RPL18A: variants seen among roughly 807,000 people sequenced by gnomAD.
The protein encoded by RPL18A is large ribosomal subunit protein eL20.
For synonymous variants in RPL18A, 122 were observed against 96.9 expected, an observed-to-expected ratio of 1.26 and a Z score of -1.52; for missense variants, 163 against 254.1, an observed-to-expected ratio of 0.64 and a Z score of 2.44.
rs771725786 is a variant in RPL18A at position 17,862,210 on chromosome 19, T to C, written c.315T>C (p.Ala105=). 10 of 1,613,278 alleles carry C rather than the reference T, an allele frequency of 6.2e-6. No individual in the cohort carries two copies. Among genetic ancestry groups the C allele is most frequent in the South Asian group, 4.4e-5 (4 of 91,088 alleles). ...REYRDLTTAG[A]VTQCYRDMGA... The stretch of plus-strand genomic sequence containing the variant: ...ACCGGGACCTGACCACCGCAGGCGC[T>C]GTCACCCAGTGCTGTAAGCTGCCTG... The change falls in exon 3 of 5, where the codon GCT becomes GCC. Residue 105 remains alanine, a synonymous_variant. Coordinates refer to ENST00000222247, the MANE Select transcript of RPL18A (RefSeq NM_000980.4).
intron 1 of RPL18A, chr19:17,860,370 A>T: frequency 4.4e-6 from 1 of 229,556 alleles, no homozygotes; most frequent in Non-Finnish European, 8.6e-6. Flanking sequence ...GCAGATGAAA[A>T]TTGCTAACAG....
chr19:17,861,609 GC>G, intron 2 of RPL18A, 137 bp downstream of exon 2: 1 of 690,206 alleles, frequency 1.4e-6, no homozygotes, highest in East Asian at 2.8e-5. Context: ...AGACATCAGA[GC>G]CCCGGGTTGT....
rs1450160712 is a variant in RPL18A, at chr19:17,861,462, A to G, written c.188A>G (p.Tyr63Cys). The part of the protein sequence containing the change: ...KMKKSSGEIV[Y>C]CGQVFEKSPL... The stretch of plus-strand genomic sequence containing the variant: ...AAGAAGTCTTCAGGGGAGATTGTCT[A>G]CTGTGGGCAGGTATGGAGAGGCCGG... The change falls in exon 2 of 5, where the codon TAC (tyrosine) becomes TGC (cysteine). Residue 63 changes from tyrosine to cysteine, a missense_variant. Tyr to Cys is a radical substitution (Grantham distance 194, BLOSUM62 -2). Coordinates refer to ENST00000222247, the MANE Select transcript of RPL18A (RefSeq NM_000980.4). 5 of 1,592,324 alleles carry G rather than the reference A, an allele frequency of 3.1e-6. No homozygotes were observed. Among genetic ancestry groups the G allele is most frequent in the South Asian group, 2.3e-5 (2 of 88,528 alleles).
At position 17,862,107 on chromosome 19, in the gene RPL18A, C is replaced by A. The variant is rs199974927; in HGVS notation, c.212C>A (p.Ser71Tyr). 1.7e-5 allele frequency: 28 copies of A among 1,611,858 alleles called. No homozygotes were observed. In the Admixed American group the frequency reaches 2.2e-4, roughly 12 times the overall value. Residue 71 changes from serine (S) to tyrosine (Y), a missense_variant, in exon 3 of 5, where the codon TCC becomes TAC. Transcript: ENST00000222247. Reference sequence around the variant, plus strand: ...TCTCCTTGGCAGGTGTTTGAGAAGTCCCCCCTGCGGGTGAAGAACTTCGGG... The same window carrying A: ...TCTCCTTGGCAGGTGTTTGAGAAGTACCCCCTGCGGGTGAAGAACTTCGGG... The part of the protein sequence containing the change: ...IVYCGQVFEK[S>Y]PLRVKNFGIW...
rs1162880765 is a variant in RPL18A at position 17,863,159 on chromosome 19, C to T, written c.439-12C>T. Reference sequence around the variant, plus strand: ...GCTTCCAACCCCCTCAACATGCCTCCCTTCCTCACAGGACTCCAAGATCAA... The same window carrying T: ...GCTTCCAACCCCCTCAACATGCCTCTCTTCCTCACAGGACTCCAAGATCAA... On this transcript the variant is annotated splice_polypyrimidine_tract_variant and intron_variant, in intron 4 of 4. Transcript: ENST00000222247. 1.6e-5 allele frequency: 25 copies of T among 1,610,720 alleles called. No individual in the cohort carries two copies. The highest frequency in any genetic ancestry group is 2.1e-5 in the Non-Finnish European group (25 of 1,177,260).
chr19:17,863,078 G>A (rs1410357473), intron 4 of RPL18A, 51 bp downstream of exon 4: 14 of 1,558,578 alleles, frequency 9.0e-6, no homozygotes, highest in Non-Finnish European at 1.1e-5. Flanking sequence ...TCTGACGCAG[G>A]AGCCCAGTGG....
In RPL18A at chr19:17,862,325, A is replaced by C. The variant is rs928840621; in HGVS notation, c.328+102A>C. 8 of 1,416,256 alleles carry C rather than the reference A, an allele frequency of 5.6e-6. No individual in the cohort carries two copies. The Admixed American group carries it at 6.0e-5, about 11-fold the overall frequency. 87.7% of individuals were successfully genotyped at this position (1,416,256 alleles called of 1,614,324 possible). On this transcript the variant is annotated intron_variant, in intron 3 of 4. Coordinates refer to ENST00000222247, the MANE Select transcript of RPL18A (RefSeq NM_000980.4). The stretch of plus-strand genomic sequence containing the variant: ...GTTCCCAGTGCAGGAGAGTCTCAGG[A>C]CTGGTGGCGGGGCACAGGAAGACAA...
At chr19:17,860,392 G>A (rs2094275063) in intron 1 of RPL18A, 1 of 216,136 alleles carries the variant, frequency 4.6e-6, no homozygotes. Flanking sequence ...GAGCCGAAAC[G>A]GGGAGCGTGA....
intron 2 of RPL18A, 22 bp downstream of exon 2, chr19:17,861,494 G>C: frequency 6.4e-7 from 1 of 1,553,642 alleles, no homozygotes; most frequent in Non-Finnish European, 8.7e-7. Context: ...CCGGGGCTAC[G>C]TGGGGTCTGG....
rs760472960 is a variant in RPL18A, at chr19:17,863,255, T to A, written c.523T>A (p.Phe175Ile). ...PRFTTKRPNT[F>I]F The stretch of plus-strand genomic sequence containing the variant: ...CTTCACCACCAAGAGGCCCAACACC[T>A]TCTTCTAGGTGCAGGGCCCTCGTCC... Residue 175 changes from phenylalanine to isoleucine, a missense_variant, in exon 5 of 5, where the codon TTC (phenylalanine) becomes ATC (isoleucine). Coordinates refer to ENST00000222247, the MANE Select transcript of RPL18A (RefSeq NM_000980.4). The A allele has an allele frequency of 1.1e-5, 18 of 1,578,846 alleles. No individual in the cohort carries two copies. The highest frequency in any genetic ancestry group is 3.3e-5 in the Admixed American group (2 of 59,730).
At chr19:17,860,032 G>T in intron 1 of RPL18A, 58 bp downstream of exon 1, 3 of 1,437,538 alleles carry the variant, frequency 2.1e-6, no homozygotes, top group Non-Finnish European at 2.7e-6. Context: ...CCCATCAGGG[G>T]CCTGCATAAG....
At position 17,862,262 on chromosome 19, in the gene RPL18A, C is replaced by G. The variant is rs367760443; in HGVS notation, c.328+39C>G. On this transcript the variant is annotated intron_variant, in intron 3 of 4. Coordinates refer to ENST00000222247, the MANE Select transcript of RPL18A (RefSeq NM_000980.4). ...CCCGCCTCCAGCTTTTTAGACCCTC[C>G]TTGACTCCCTCACACTGAGGCAGGG... 4.4e-6 allele frequency: 7 copies of G among 1,607,108 alleles called. No individual in the cohort carries two copies. The East Asian group carries it at 6.7e-5, about 15-fold the overall frequency.
Position 17,861,274 on chromosome 19 carries a change from C to T in RPL18A, c.19-19C>T. 1 of 1,612,874 alleles carries T rather than the reference C, an allele frequency of 6.2e-7. No homozygotes were observed. Among genetic ancestry groups the T allele is most frequent in the Non-Finnish European group, 8.5e-7 (1 of 1,179,078 alleles). ...TGCCTCTGGGTGCTGGCCTTACCCT[C>T]ACTCCTGTTTCCTTTCAGCTACGAG... On this transcript the variant is annotated intron_variant, in intron 1 of 4. Transcript: ENST00000222247.
rs901192921 is a variant in RPL18A, at chr19:17,859,981, C to T, written c.18+7C>T. The T allele has an allele frequency of 1.3e-6, 2 of 1,520,860 alleles. No homozygotes were observed. The highest frequency in any genetic ancestry group is 2.2e-5 in the Admixed American group (1 of 45,480). 94.2% of individuals were successfully genotyped at this position (1,520,860 alleles called of 1,614,324 possible). On this transcript the variant is annotated splice_region_variant and intron_variant, in intron 1 of 4. Transcript: ENST00000222247. ...CATGAAGGCCTCGGGCACGGTAAGGCGGGCGCGGCGCGGCAGGGGGCCAAG... is the reference window on the plus strand; with the variant it reads ...CATGAAGGCCTCGGGCACGGTAAGGTGGGCGCGGCGCGGCAGGGGGCCAAG...
chr19:17,861,393 C>T lies in RPL18A; in HGVS notation c.119C>T (p.Ala40Val). 1 of 1,611,700 alleles carries T rather than the reference C, an allele frequency of 6.2e-7. No homozygotes were observed. The highest frequency in any genetic ancestry group is 8.5e-7 in the Non-Finnish European group (1 of 1,178,652). The change falls in exon 2 of 5, where the codon GCC (alanine) becomes GTC (valine). Residue 40 changes from alanine to valine, a missense_variant. Coordinates refer to ENST00000222247, the MANE Select transcript of RPL18A (RefSeq NM_000980.4). ...MRIFAPNHVV[A>V]KSRFWYFVSQ... Reference sequence around the variant, plus strand: ...ATCTTTGCGCCTAATCATGTCGTCGCCAAGTCCCGCTTCTGGTACTTTGTA... The same window carrying T: ...ATCTTTGCGCCTAATCATGTCGTCGTCAAGTCCCGCTTCTGGTACTTTGTA...
intron 1 of RPL18A, chr19:17,860,204 CGG>C (rs2094274648): frequency 2.0e-6 from 1 of 507,946 alleles, no homozygotes; most frequent in African/African-American, 2.0e-5. Context: ...CCAAGGACTC[CGG>C]GTCTTCTTCC....
chr19:17,862,794 C>T lies in RPL18A; in HGVS notation c.329-124C>T, dbSNP rs903092717. 1.3e-4 allele frequency: 102 copies of T among 776,282 alleles called. 1 individual carries two copies. Among genetic ancestry groups the T allele is most frequent in the Non-Finnish European group, 2.1e-4 (92 of 431,428 alleles). 48.1% of individuals were successfully genotyped at this position (776,282 alleles called of 1,614,324 possible). ...CCCACCACCACCTTCCCGTGAGCCCCGAGCCCTCAGGCAGTTGCTGTGACC... is the reference window on the plus strand; with the variant it reads ...CCCACCACCACCTTCCCGTGAGCCCTGAGCCCTCAGGCAGTTGCTGTGACC... On this transcript the variant is annotated intron_variant, in intron 3 of 4. Coordinates refer to ENST00000222247, the MANE Select transcript of RPL18A (RefSeq NM_000980.4).
intron 3 of RPL18A, 72 bp from the exon 4 acceptor site, chr19:17,862,846 G>T: frequency 1.0e-6 from 1 of 992,022 alleles, no homozygotes. Context: ...TCATTGGGCA[G>T]GCACTCAGGA....
In RPL18A at chr19:17,861,349, G is replaced by T. The variant is rs751124268; in HGVS notation, c.75G>T (p.Pro25=). The T allele has an allele frequency of 6.2e-7, 1 of 1,613,368 alleles. No individual in the cohort carries two copies. Among genetic ancestry groups the T allele is most frequent in the Non-Finnish European group, 8.5e-7 (1 of 1,179,582 alleles). The change falls in exon 2 of 5, where the codon CCG becomes CCT. Residue 25 remains proline, a synonymous_variant. Coordinates refer to ENST00000222247, the MANE Select transcript of RPL18A (RefSeq NM_000980.4). ...TGCCCACCCCCAAATGCCACACGCC[G>T]CCCCTCTACCGCATGCGAATCTTTG... ...RCLPTPKCHT[P]PLYRMRIFAP...
Sources: allele counts gnomAD v4.1 joint callset, GRCh38; gene constraint gnomAD v4.1.1; transcripts MANE v1.5; gene names NCBI Gene and HGNC (gene_info 2026-07-23, HGNC 2026-07-21).